SPRY2: variants seen among roughly 807,000 people sequenced by gnomAD.
The protein encoded by SPRY2 is sprouty RTK signaling antagonist 2.
In SPRY2, 10 loss-of-function variants were observed where a neutral mutation model predicts 23.4. The observed-to-expected ratio is 0.43, with a 90% confidence interval of 0.26 to 0.73. The LOEUF is 0.73. Ranked by LOEUF, SPRY2 falls within the 30% of genes least tolerant of loss-of-function variation. The pLI is 0.22. For missense variants in SPRY2, 344 were observed against 396.9 expected (o/e 0.87, Z 1.13); for synonymous variants, 170 against 156.9 (o/e 1.08, Z -0.62).
chr13:80,337,111 A>G lies in SPRY2; in HGVS notation c.595T>C (p.Trp199Arg). 6.2e-7 allele frequency: 1 copy of G among 1,614,246 alleles called. No individual in the cohort carries two copies. Among genetic ancestry groups the G allele is most frequent in the Non-Finnish European group, 8.5e-7 (1 of 1,180,042 alleles). ...CAAAGGCACTGCTTGTCGCAGATCCAGTCTGATGGCAGAGGCCTTGGGTAG... is the reference window on the plus strand; with the variant it reads ...CAAAGGCACTGCTTGTCGCAGATCCGGTCTGATGGCAGAGGCCTTGGGTAG... ...CTYPRPLPSD[W>R]ICDKQCLCSA... Residue 199 changes from tryptophan (W) to arginine (R), a missense_variant, in exon 2 of 2, where the codon TGG (tryptophan) becomes CGG (arginine). Physicochemically the swap from Trp to Arg is moderately radical, Grantham distance 101 (BLOSUM62 -3). Coordinates refer to ENST00000377104, the MANE Select transcript of SPRY2 (RefSeq NM_005842.4).
In SPRY2 at chr13:80,336,728, TC is replaced by T. The variant is rs1479698464; in HGVS notation, c.*29del. ...TATTAAAAAAAGAAAGAAAAAATCCTCATTACTGTAATATTCCTGATTAATG... is the reference window on the plus strand; with the variant it reads ...TATTAAAAAAAGAAAGAAAAAATCCTATTACTGTAATATTCCTGATTAATG... On this transcript the variant is annotated 3_prime_UTR_variant, in exon 2 of 2. Coordinates refer to ENST00000377104, the MANE Select transcript of SPRY2 (RefSeq NM_005842.4). 1.1e-5 allele frequency: 18 copies of T among 1,597,930 alleles called. No individual in the cohort carries two copies. The South Asian group carries it at 1.9e-4, about 17-fold the overall frequency.
In SPRY2 at chr13:80,336,045, G is replaced by C. The variant is rs969009596; in HGVS notation, c.*713C>G. The C allele has an allele frequency of 6.6e-6, 1 of 152,090 alleles. No individual in the cohort carries two copies. The highest frequency in any genetic ancestry group is 2.4e-5 in the African/African-American group (1 of 41,408). 9.4% of individuals were successfully genotyped at this position (152,090 alleles called of 1,614,324 possible). On this transcript the variant is annotated 3_prime_UTR_variant, in exon 2 of 2. Transcript: ENST00000377104. ...ATGCATCTGTAACCCCTCATTTGCA[G>C]CAACTATCACATCCTCATAAAAGGG...
At chr13:80,339,826 G>A (rs112280329) in intron 1 of SPRY2, among the ~76,000 whole-genome samples, 1 of 152,280 alleles carries the variant, frequency 6.6e-6, no homozygotes, top group South Asian at 2.1e-4. Flanking sequence ...AACAACAAAA[G>A]GAAATAAAAA....
At chr13:80,338,880 A>C (rs1476113368) in intron 1 of SPRY2, 1 of 152,280 alleles carries the variant, frequency 6.6e-6, no homozygotes, top group East Asian at 1.9e-4. Context: ...CTTTGCTTTC[A>C]CTTAGTTTAT....
chr13:80,337,148 A>G lies in SPRY2; in HGVS notation c.558T>C (p.Cys186=). Residue 186 remains cysteine (C), a synonymous_variant, in exon 2 of 2, where the codon TGT becomes TGC. Coordinates refer to ENST00000377104, the MANE Select transcript of SPRY2 (RefSeq NM_005842.4). The part of the protein sequence containing the change: ...YRCEDCGKCK[C]KECTYPRPLP... ...GAGGCCTTGGGTAGGTGCACTCCTT[A>G]CATTTGCACTTGCCACAGTCCTCAC... is the stretch of plus-strand genomic sequence containing the variant. The G allele has an allele frequency of 1.2e-6, 2 of 1,614,104 alleles. No homozygotes were observed. Among genetic ancestry groups the G allele is most frequent in the Non-Finnish European group, 1.7e-6 (2 of 1,179,980 alleles).
In SPRY2 at chr13:80,340,177, G is replaced by A. The variant is rs138082304; in HGVS notation, c.-52+445C>T. 6.2e-3 allele frequency among the ~76,000 whole-genome samples: 938 copies of A among 152,368 alleles called. 11 individuals are homozygous for A. The highest frequency in any genetic ancestry group is 0.02 in the African/African-American group (824 of 41,590). ...CCCACCAGCGCCCCGCCTAGGGACA[G>A]CCTCTCCCTGGACTTTGCCTTCCAC... On this transcript the variant is annotated intron_variant, in intron 1 of 1. Coordinates refer to ENST00000377104, the MANE Select transcript of SPRY2 (RefSeq NM_005842.4).
Position 80,337,648 on chromosome 13 carries a change from C to T in SPRY2, c.58G>A (p.Asp20Asn), listed in dbSNP as rs1294807470. The T allele has an allele frequency of 1.2e-6, 2 of 1,613,844 alleles. No homozygotes were observed. ...GSQPLLQTPR[D>N]GGRQRGEPDP... ...GGCTCCCCACGCTGTCTGCCACCGT[C>T]ACGGGGCGTCTGCAGCAAGGGCTGC... Residue 20 changes from aspartate (D) to asparagine (N), a missense_variant, in exon 2 of 2, where the codon GAC becomes AAC. By Grantham distance (23) the Asp-to-Asn change is conservative. Transcript: ENST00000377104.
intron 1 of SPRY2, among the ~76,000 whole-genome samples, chr13:80,338,346 T>A (rs1273240061): frequency 2.0e-5 from 3 of 152,256 alleles, no homozygotes; most frequent in Non-Finnish European, 4.4e-5. Flanking sequence ...CCATTTTTTA[T>A]TAATTGTATA....
At position 80,337,551 on chromosome 13, in the gene SPRY2, GT is replaced by G; in HGVS notation, c.154del (p.Thr52ProfsTer60). On this transcript the variant is annotated frameshift_variant, in exon 2 of 2. Transcript: ENST00000377104. LOFTEE classifies it high-confidence loss of function. ...AGTAGGCCCCTCTGTGTACTCATTGGTGTTTCGGATGGCTCTGATCTGATCC... is the reference window on the plus strand; with the variant it reads ...AGTAGGCCCCTCTGTGTACTCATTGGGTTTCGGATGGCTCTGATCTGATCC... ...SLDQIRAIRNTNEYTEGPTVV... is the reference protein window; with the variant it reads ...SLDQIRAIRNXNEYTEGPTVV... The G allele has an allele frequency of 6.2e-7, 1 of 1,614,176 alleles. No individual in the cohort carries two copies. The highest frequency in any genetic ancestry group is 8.5e-7 in the Non-Finnish European group (1 of 1,180,042).
At chr13:80,337,878 G>A (rs1880345806) in intron 1 of SPRY2, 122 bp from the exon 2 acceptor site, 3 of 700,960 alleles carry the variant, frequency 4.3e-6, no homozygotes, top group Non-Finnish European at 7.7e-6. Context: ...TGGAATGGCA[G>A]TAGGGAGGTA....
chr13:80,340,198 T>TC (rs1291988624), intron 1 of SPRY2, among the ~76,000 whole-genome samples: 1 of 152,188 alleles, frequency 6.6e-6, no homozygotes, highest in Admixed American at 6.5e-5. Context: ...GACTTTGCCT[T>TC]CCACCAAGAG....
Position 80,336,960 on chromosome 13 carries a change from C to T in SPRY2, c.746G>A (p.Cys249Tyr). Residue 249 changes from cysteine (C) to tyrosine (Y), a missense_variant, in exon 2 of 2, where the codon TGT becomes TAT. Cys to Tyr is a radical substitution (Grantham distance 194). Transcript: ENST00000377104. ...DNPCSCSQSH[C>Y]CTRWSAMGVM... Reference sequence around the variant, plus strand: ...ACCCATGGCTGACCATCGTGTACAACAGTGAGACTGGCTGCAAGAACATGG... The same window carrying T: ...ACCCATGGCTGACCATCGTGTACAATAGTGAGACTGGCTGCAAGAACATGG... The T allele has an allele frequency of 6.2e-7, 1 of 1,614,220 alleles. No homozygotes were observed. Among genetic ancestry groups the T allele is most frequent in the Non-Finnish European group, 8.5e-7 (1 of 1,180,040 alleles).
In SPRY2 at chr13:80,340,828, A is replaced by G. The variant is rs1267614399; in HGVS notation, c.-258T>C. 1 of 151,196 alleles carries G rather than the reference A, an allele frequency of 6.6e-6. No homozygotes were observed. Among genetic ancestry groups the G allele is most frequent in the Non-Finnish European group, 1.5e-5 (1 of 67,838 alleles). The allele number at this position is 151,196 out of a possible 1,614,324, so 9.4% of individuals were successfully genotyped here. ...ACTCCGGGGTTCGGAGCTGGAGACGACTCCCCTTCTACAAGCGCACGCGGA... is the reference window on the plus strand; with the variant it reads ...ACTCCGGGGTTCGGAGCTGGAGACGGCTCCCCTTCTACAAGCGCACGCGGA... On this transcript the variant is annotated 5_prime_UTR_variant, in exon 1 of 2. Transcript: ENST00000377104.
In SPRY2 at chr13:80,337,667, G is replaced by A. The variant is rs564716686; in HGVS notation, c.39C>T (p.Pro13=). 15 of 1,613,134 alleles carry A rather than the reference G, an allele frequency of 9.3e-6. No individual in the cohort carries two copies. Among genetic ancestry groups the A allele is most frequent in the South Asian group, 1.1e-5 (1 of 91,088 alleles). Reference sequence around the variant, plus strand: ...CACCGTCACGGGGCGTCTGCAGCAAGGGCTGCGACCCGTTGCCACTCTGAG... The same window carrying A: ...CACCGTCACGGGGCGTCTGCAGCAAAGGCTGCGACCCGTTGCCACTCTGAG... The part of the protein sequence containing the change: ...ARAQSGNGSQ[P]LLQTPRDGGR... Residue 13 remains proline, a synonymous_variant, in exon 2 of 2, where the codon CCC becomes CCT. Coordinates refer to ENST00000377104, the MANE Select transcript of SPRY2 (RefSeq NM_005842.4).
intron 1 of SPRY2, among the ~76,000 whole-genome samples, chr13:80,340,067 C>A (rs1011197345): frequency 1.3e-5 from 2 of 152,174 alleles, no homozygotes; most frequent in Non-Finnish European, 2.9e-5. Flanking sequence ...GGAGCAGAGG[C>A]GGGCACTCCC....
Position 80,337,337 on chromosome 13 carries a change from C to T in SPRY2, c.369G>A (p.Arg123=), listed in dbSNP as rs770215701. ...TVSSGSRSST[R]TSTSSSSSEQ... Reference sequence around the variant, plus strand: ...CAGAGGAGCTGCTGCTGGTACTTGTCCTCGTACTGCTCCGCGACCCTGAGC... The same window carrying T: ...CAGAGGAGCTGCTGCTGGTACTTGTTCTCGTACTGCTCCGCGACCCTGAGC... The change falls in exon 2 of 2, where the codon AGG becomes AGA. Residue 123 remains arginine, a synonymous_variant. Coordinates refer to ENST00000377104, the MANE Select transcript of SPRY2 (RefSeq NM_005842.4). The T allele has an allele frequency of 1.9e-5, 31 of 1,614,074 alleles. No individual in the cohort carries two copies. Among genetic ancestry groups the T allele is most frequent in the Non-Finnish European group, 2.5e-5 (29 of 1,180,054 alleles).
In SPRY2 at chr13:80,337,540, T is replaced by C; in HGVS notation, c.166A>G (p.Thr56Ala). Residue 56 changes from threonine (T) to alanine (A), a missense_variant, in exon 2 of 2, where the codon ACA becomes GCA. Physicochemically the swap from Thr to Ala is moderately conservative, Grantham distance 58 (BLOSUM62 0). Transcript: ENST00000377104. ...IRAIRNTNEY[T>A]EGPTVVPRPG... ...CTTGGGACGACAGTAGGCCCCTCTG[T>C]GTACTCATTGGTGTTTCGGATGGCT... 1 of 1,614,054 alleles carries C rather than the reference T, an allele frequency of 6.2e-7. No individual in the cohort carries two copies. Among genetic ancestry groups the C allele is most frequent in the Non-Finnish European group, 8.5e-7 (1 of 1,180,020 alleles).
Position 80,337,138 on chromosome 13 carries a change from T to A in SPRY2, c.568A>T (p.Thr190Ser). Reference sequence around the variant, plus strand: ...TCTGATGGCAGAGGCCTTGGGTAGGTGCACTCCTTACATTTGCACTTGCCA... The same window carrying A: ...TCTGATGGCAGAGGCCTTGGGTAGGAGCACTCCTTACATTTGCACTTGCCA... ...DCGKCKCKEC[T>S]YPRPLPSDWI... The change falls in exon 2 of 2, where the codon ACC becomes TCC. Residue 190 changes from threonine to serine, a missense_variant. Physicochemically the swap from Thr to Ser is moderately conservative, Grantham distance 58. Coordinates refer to ENST00000377104, the MANE Select transcript of SPRY2 (RefSeq NM_005842.4). 1 of 1,614,184 alleles carries A rather than the reference T, an allele frequency of 6.2e-7. No individual in the cohort carries two copies.
At position 80,337,604 on chromosome 13, in the gene SPRY2, G is replaced by A; in HGVS notation, c.102C>T (p.Leu34=). The part of the protein sequence containing the change: ...QRGEPDPRDA[L]TQQVHVLSLD... ...GAGACAAGACATGTACCTGCTGGGT[G>A]AGGGCGTCTCTGGGGTCGGGCTCCC... The change falls in exon 2 of 2, where the codon CTC becomes CTT. Residue 34 remains leucine (L), a synonymous_variant. Coordinates refer to ENST00000377104, the MANE Select transcript of SPRY2 (RefSeq NM_005842.4). 2 of 1,614,204 alleles carry A rather than the reference G, an allele frequency of 1.2e-6. No individual in the cohort carries two copies. The highest frequency in any genetic ancestry group is 2.2e-5 in the South Asian group (2 of 91,088).
Sources: gnomAD v4.1 joint callset for allele counts (sites outside exome capture counted in the v4.1 genomes callset) on GRCh38, gnomAD v4.1.1 for gene constraint, MANE v1.5 for transcripts, NCBI Gene and HGNC (gene_info 2026-07-23, HGNC 2026-07-21) for gene names.